Variants in KIAA0930 observed in about 807,000 individuals in gnomAD.
KIAA0930 encodes the protein KIAA0930, also known as uncharacterized protein KIAA0930.
Under a neutral mutation model 43.9 loss-of-function variants are expected in KIAA0930, and 24 were observed. The ratio of observed to expected loss-of-function variants is 0.55; its 90% CI spans 0.40 to 0.77. KIAA0930 has a LOEUF of 0.77. KIAA0930 is among the 30% of genes least tolerant of loss of function. KIAA0930 has a pLI of 0.00. For missense variants in KIAA0930, 461 were observed against 574.2 expected (o/e 0.80, Z 2.02); for synonymous variants, 259 against 216.4 (o/e 1.20, Z -1.73).
intron 1 of KIAA0930, among the ~76,000 whole-genome samples, chr22:45,237,395 C>T (rs2083894041): frequency 1.3e-5 from 2 of 152,224 alleles, no homozygotes; most frequent in Non-Finnish European, 2.9e-5. Context: ...TGCTCAACTC[C>T]CCTTCTACTG....
chr22:45,203,931 C>A lies in KIAA0930; in HGVS notation c.571G>T (p.Ala191Ser), dbSNP rs2083613132. Residue 191 changes from alanine (A) to serine (S), a missense_variant, in exon 6 of 10, where the codon GCT becomes TCT. Coordinates refer to ENST00000336156, the MANE Select transcript of KIAA0930 (RefSeq NM_001009880.2). ...EGEMVCVELV[A>S]SDKTNTFQGV... The stretch of plus-strand genomic sequence containing the variant: ...TGGAACGTGTTGGTTTTGTCACTAG[C>A]CACCAGCTCCACACAGACCATCTCT... 1.2e-6 allele frequency: 2 copies of A among 1,613,968 alleles called. No individual in the cohort carries two copies. The highest frequency in any genetic ancestry group is 1.7e-5 in the Admixed American group (1 of 59,996).
At chr22:45,198,168 A>G (rs2083554490) in intron 8 of KIAA0930, 3 of 567,146 alleles carry the variant, frequency 5.3e-6, no homozygotes, top group Non-Finnish European at 9.5e-6. Context: ...CTCCAACTCC[A>G]GGAAGACTTT....
chr22:45,236,454 C>G (rs1047186320), intron 1 of KIAA0930, among the ~76,000 whole-genome samples: 6 of 152,144 alleles, frequency 3.9e-5, no homozygotes, highest in African/African-American at 1.4e-4. Context: ...AGCCTCAGCC[C>G]TGCTTGAAGA....
chr22:45,202,898 C>G (rs1023147233), intron 7 of KIAA0930, 92 bp downstream of exon 7: 5 of 1,101,454 alleles, frequency 4.5e-6, no homozygotes, highest in Non-Finnish European at 6.4e-6. Context: ...GATGACAACA[C>G]CTATGTCCCC....
At chr22:45,203,781 G>A (rs997809332) in intron 6 of KIAA0930, 64 bp downstream of exon 6, 8 of 1,563,476 alleles carry the variant, frequency 5.1e-6, no homozygotes, top group East Asian at 4.7e-5. Flanking sequence ...TATGGACCAC[G>A]GTGGGCTGTG....
In KIAA0930 at chr22:45,194,410, C is replaced by T. The variant is rs530925491; in HGVS notation, c.*2766G>A. 3.8e-4 allele frequency: 58 copies of T among 152,252 alleles called. No individual in the cohort carries two copies. The highest frequency in any genetic ancestry group is 1.3e-3 in the African/African-American group (55 of 41,540). 9.4% of individuals were successfully genotyped at this position (152,252 alleles called of 1,614,324 possible). On this transcript the variant is annotated 3_prime_UTR_variant, in exon 10 of 10. Transcript: ENST00000336156. ...TTAAAGGGGGTTTGGGATTAAAGTA[C>T]AGTTTTCCGCTGAGGAAACCTAAGG...
chr22:45,209,393 G>A (rs376659487), intron 2 of KIAA0930, among the ~76,000 whole-genome samples: 1 of 152,094 alleles, frequency 6.6e-6, no homozygotes, highest in African/African-American at 2.4e-5. Context: ...ACTGCAGCCC[G>A]ACAAGCTGGG....
At chr22:45,224,979 C>T (rs1236918588) in intron 1 of KIAA0930, among the ~76,000 whole-genome samples, 4 of 152,072 alleles carry the variant, frequency 2.6e-5, no homozygotes, top group Admixed American at 2.6e-4. Flanking sequence ...GGGTGCCTGT[C>T]CCGGGACTGT....
intron 1 of KIAA0930, among the ~76,000 whole-genome samples, chr22:45,227,388 T>C (rs2147760951): frequency 6.6e-6 from 1 of 152,194 alleles, no homozygotes; most frequent in Admixed American, 6.5e-5. Flanking sequence ...ACCAGGGGGC[T>C]GGGCTCTGCC....
At chr22:45,230,245 G>A (rs373271554) in intron 1 of KIAA0930, among the ~76,000 whole-genome samples, 4 of 152,160 alleles carry the variant, frequency 2.6e-5, no homozygotes, top group Admixed American at 6.5e-5. Context: ...GGCGGGCAGC[G>A]AGTCACGTCT....
At chr22:45,237,410 G>A (rs738179) in intron 1 of KIAA0930, among the ~76,000 whole-genome samples, 43,669 of 152,128 alleles carry the variant, frequency 0.29, 6,852 homozygotes, top group African/African-American at 0.41. Flanking sequence ...CTACTGCAGA[G>A]GCTGCCACAG....
At chr22:45,231,126 G>A (rs1057415544) in intron 1 of KIAA0930, among the ~76,000 whole-genome samples, 1 of 150,106 alleles carries the variant, frequency 6.7e-6, no homozygotes, top group Non-Finnish European at 1.5e-5. Flanking sequence ...GGTGGTGGCC[G>A]CCTATAATCC....
chr22:45,201,751 C>G (rs568031276), intron 7 of KIAA0930, among the ~76,000 whole-genome samples: 20 of 152,222 alleles, frequency 1.3e-4, no homozygotes, highest in South Asian at 1.0e-3. Flanking sequence ...TACCTCCCCC[C>G]CAAAAAAAGA....
chr22:45,227,105 T>C (rs1215065001), intron 1 of KIAA0930, among the ~76,000 whole-genome samples: 3 of 152,216 alleles, frequency 2.0e-5, no homozygotes. Context: ...CATCCGCCAA[T>C]GCCACCCACC....
At position 45,229,064 on chromosome 22, in the gene KIAA0930, C is replaced by T. The variant is rs147352185; in HGVS notation, c.64+11576G>A. ...ACCCCCCCACCACCAAACACTCACC[C>T]GAAAGATCCCTCTCCACCCCCCAAC... is the stretch of plus-strand genomic sequence containing the variant. On this transcript the variant is annotated intron_variant, in intron 1 of 9. Transcript: ENST00000336156. Among the ~76,000 whole-genome samples the T allele has an allele frequency of 7.1e-3, 48 of 6,748 alleles. 1 individual carries two copies. Among genetic ancestry groups the T allele is most frequent in the East Asian group, 0.016 (2 of 126 alleles). 4.4% of individuals were successfully genotyped at this position (6,748 alleles called of 152,430 possible).
chr22:45,202,116 C>T (rs550052407), intron 7 of KIAA0930, among the ~76,000 whole-genome samples: 54 of 152,354 alleles, frequency 3.5e-4, no homozygotes, highest in African/African-American at 1.1e-3. Context: ...CTGTGGGTGG[C>T]GTCTCTCCTG....
At chr22:45,215,362 C>T (rs1180420464) in intron 1 of KIAA0930, among the ~76,000 whole-genome samples, 1 of 152,140 alleles carries the variant, frequency 6.6e-6, no homozygotes, top group Non-Finnish European at 1.5e-5. Context: ...TGGAACTCTC[C>T]GATATGCTAG....
chr22:45,232,249 G>C (rs1419889919), intron 1 of KIAA0930, among the ~76,000 whole-genome samples: 1 of 152,188 alleles, frequency 6.6e-6, no homozygotes, highest in Admixed American at 6.5e-5. Flanking sequence ...TAATTACATG[G>C]ATAATCCACA....
At chr22:45,222,225 A>AT (rs1166254151) in intron 1 of KIAA0930, among the ~76,000 whole-genome samples, 2 of 152,202 alleles carry the variant, frequency 1.3e-5, no homozygotes, top group East Asian at 1.9e-4. Flanking sequence ...CCATGAGAGG[A>AT]TTTTTTATTC....
Sources: allele counts gnomAD v4.1 joint callset (sites outside exome capture counted in the v4.1 genomes callset), GRCh38; gene constraint gnomAD v4.1.1; transcripts MANE v1.5; gene names NCBI Gene and HGNC (gene_info 2026-07-23, HGNC 2026-07-21).